The following ALG6 variants were observed in gnomAD, a reference collection of about 807,000 sequenced individuals.
ALG6 encodes ALG6 alpha-1,3-glucosyltransferase, also known as dolichyl pyrophosphate Man9GlcNAc2 alpha-1,3-glucosyltransferase.
Under a neutral mutation model 66.6 loss-of-function variants are expected in ALG6, and 46 were observed. That is an observed-to-expected ratio of 0.69 (90% CI 0.55 to 0.88). ALG6 has a LOEUF of 0.88. Among genes scored for constraint, ALG6 ranks in the 40% least tolerant of loss-of-function variants. ALG6 has a pLI of 0.00. For synonymous variants in ALG6, 185 were observed against 203.7 expected, an observed-to-expected ratio of 0.91 and a Z score of 0.78; for missense variants, 505 against 586.8, an observed-to-expected ratio of 0.86 and a Z score of 1.44.
At chr1:63,370,729 C>CTG (rs547966478) in intron 1 of ALG6, 42 bp from the exon 2 acceptor site, 1 of 499,282 alleles carries the variant, frequency 2.0e-6, no homozygotes, top group East Asian at 3.7e-5. Flanking sequence ...GTTGTAGGTA[C>CTG]TGTACTCAGC....
intron 12 of ALG6, among the ~76,000 whole-genome samples, chr1:63,421,375 G>T (rs142337647): frequency 4.3e-3 from 653 of 152,246 alleles, no homozygotes; most frequent in Non-Finnish European, 5.9e-3. Flanking sequence ...CTGTTGGTGG[G>T]AGTGTATATT....
chr1:63,416,078 C>A, intron 11 of ALG6, 121 bp downstream of exon 11: 1 of 760,184 alleles, frequency 1.3e-6, no homozygotes, highest in Non-Finnish European at 2.3e-6. Context: ...ATTTGGCAGA[C>A]ATTTATTGGA....
At chr1:63,374,479 T>A (rs762985403) in intron 2 of ALG6, among the ~76,000 whole-genome samples, 5 of 151,900 alleles carry the variant, frequency 3.3e-5, no homozygotes, top group Non-Finnish European at 7.4e-5. Context: ...AATACAAAAA[T>A]TAGCCGGGTG....
chr1:63,414,528 G>A (rs1021891100), intron 10 of ALG6, among the ~76,000 whole-genome samples: 1 of 152,134 alleles, frequency 6.6e-6, no homozygotes, highest in African/African-American at 2.4e-5. Context: ...GGGATTACAG[G>A]CATGAGCCAC....
In ALG6 at chr1:63,428,810, T is replaced by C. The variant is rs1303052047; in HGVS notation, c.1127+9T>C. On this transcript the variant is annotated intron_variant, in intron 13 of 14. Coordinates refer to ENST00000263440, the MANE Select transcript of ALG6 (RefSeq NM_013339.4). ...CTTGTGTCAACATTTAGGTAAGTCATATCAATTTCCATATATTTTCAGTAT... is the reference window on the plus strand; with the variant it reads ...CTTGTGTCAACATTTAGGTAAGTCACATCAATTTCCATATATTTTCAGTAT... 3 of 1,600,732 alleles carry C rather than the reference T, an allele frequency of 1.9e-6. No individual in the cohort carries two copies. The highest frequency in any genetic ancestry group is 2.6e-6 in the Non-Finnish European group (3 of 1,169,226).
At chr1:63,416,720 G>T (rs1269644968) in intron 11 of ALG6, among the ~76,000 whole-genome samples, 2 of 152,092 alleles carry the variant, frequency 1.3e-5, no homozygotes, top group African/African-American at 4.8e-5. Context: ...GATGGACTAG[G>T]TGCATTTTCT....
chr1:63,421,555 T>C (rs1412513922), intron 12 of ALG6, among the ~76,000 whole-genome samples: 4 of 152,178 alleles, frequency 2.6e-5, no homozygotes, highest in Admixed American at 6.5e-5. Flanking sequence ...ATCATTCTAC[T>C]ATAAAGACAC....
At chr1:63,411,374 A>G (rs1228150143) in intron 8 of ALG6, 43 bp downstream of exon 8, 1 of 1,578,984 alleles carries the variant, frequency 6.3e-7, no homozygotes, top group Admixed American at 1.7e-5. Flanking sequence ...TTTACTTCAG[A>G]TAATTTTTTT....
At chr1:63,377,201 A>G (rs979616050) in intron 2 of ALG6, among the ~76,000 whole-genome samples, 1 of 152,078 alleles carries the variant, frequency 6.6e-6, no homozygotes, top group African/African-American at 2.4e-5. Flanking sequence ...ATCTCAGGTG[A>G]TCCACCACCT....
At chr1:63,396,120 G>C (rs1482249868) in intron 2 of ALG6, among the ~76,000 whole-genome samples, 1 of 152,078 alleles carries the variant, frequency 6.6e-6, no homozygotes, top group Non-Finnish European at 1.5e-5. Flanking sequence ...GGTAGTGGGG[G>C]GTCCTAGAAT....
chr1:63,412,091 G>T (rs766109595), intron 9 of ALG6, 30 bp downstream of exon 9: 10 of 1,613,670 alleles, frequency 6.2e-6, no homozygotes, highest in Middle Eastern at 3.3e-4. Flanking sequence ...TCTCCTTTCT[G>T]TTACTGTACC....
rs1165046824 is a variant in ALG6, at chr1:63,385,184, C to CTTTTTTTTTTTTTTT, written c.83-11310_83-11296dup. On this transcript the variant is annotated intron_variant, in intron 2 of 14. Transcript: ENST00000263440. ...TTTTTATTAAGATCTTTTACTTCTT[C>CTTTTTTTTTTTTTTT]TTTTTTTTTTTTTTTTTTTTTTTTT... Among the ~76,000 whole-genome samples the CTTTTTTTTTTTTTTT allele has an allele frequency of 6.8e-5, 4 of 58,954 alleles. 2 individuals carry two copies. The Admixed American group carries it at 8.8e-4, about 13-fold the overall frequency. The allele number at this position is 58,954 out of a possible 152,430, so 38.7% of individuals were successfully genotyped here. A position where few individuals can be genotyped will look rare whatever the true frequency, so the allele number is the denominator to read the frequency against.
chr1:63,429,167 T>C, intron 14 of ALG6, 41 bp downstream of exon 14: 1 of 1,422,784 alleles, frequency 7.0e-7, no homozygotes, highest in Non-Finnish European at 9.7e-7. Context: ...TTTCAGCATG[T>C]CACTATTTTA....
At chr1:63,386,563 T>C (rs1397120946) in intron 2 of ALG6, among the ~76,000 whole-genome samples, 1 of 152,132 alleles carries the variant, frequency 6.6e-6, no homozygotes, top group African/African-American at 2.4e-5. Context: ...TGTCTAGGAA[T>C]TTATCAGTTT....
rs548558081 is a variant in ALG6 at position 63,418,215 on chromosome 1, C to A, written c.988-1155C>A. On this transcript the variant is annotated intron_variant, in intron 11 of 14. Transcript: ENST00000263440. Reference sequence around the variant, plus strand: ...GGACACTTAGATTGAGTAAAGGAAACCTTTCTAGAGAAGGTTTCTATAGTT... The same window carrying A: ...GGACACTTAGATTGAGTAAAGGAAAACTTTCTAGAGAAGGTTTCTATAGTT... 8.7e-5 allele frequency among the ~76,000 whole-genome samples: 13 copies of A among 150,070 alleles called. No homozygotes were observed. The East Asian group carries it at 2.0e-3, about 23-fold the overall frequency.
intron 14 of ALG6, among the ~76,000 whole-genome samples, chr1:63,432,150 T>C (rs1644649025): frequency 6.6e-6 from 1 of 152,194 alleles, no homozygotes; most frequent in African/African-American, 2.4e-5. Context: ...TTAAAATAGA[T>C]GTCTTTTATC....
rs1175532325 is a variant in ALG6 at position 63,422,414 on chromosome 1, AAT to A, written c.1058+2984_1058+2985del. Among the ~76,000 whole-genome samples the A allele has an allele frequency of 7.4e-4, 14 of 18,974 alleles. 2 individuals carry two copies. Among genetic ancestry groups the A allele is most frequent in the African/African-American group, 5.2e-3 (10 of 1,930 alleles). The allele number at this position is 18,974 out of a possible 152,430, so 12.4% of individuals were successfully genotyped here. On this transcript the variant is annotated intron_variant, in intron 12 of 14. Coordinates refer to ENST00000263440, the MANE Select transcript of ALG6 (RefSeq NM_013339.4). ...ATAAATATATATCTATATAAATATA[AAT>A]ATATATATAAATATAAATATATATA... is the stretch of plus-strand genomic sequence containing the variant.
Position 63,406,241 on chromosome 1 carries a change from G to T in ALG6, c.347-76G>T. 9.4e-6 allele frequency: 12 copies of T among 1,270,924 alleles called. 1 individual carries two copies. The South Asian group carries it at 1.4e-4, about 15-fold the overall frequency. The allele number at this position is 1,270,924 out of a possible 1,614,324, so 78.7% of individuals were successfully genotyped here. A position where few individuals can be genotyped will look rare whatever the true frequency, so the allele number is the denominator to read the frequency against. ...TTGTGTTAATGAATTCTCAATGTTG[G>T]AGGAAGGGAGGCAGTTAATGGGTAG... is the stretch of plus-strand genomic sequence containing the variant. On this transcript the variant is annotated intron_variant, in intron 5 of 14. Coordinates refer to ENST00000263440, the MANE Select transcript of ALG6 (RefSeq NM_013339.4).
intron 12 of ALG6, among the ~76,000 whole-genome samples, chr1:63,425,793 G>A (rs1027146610): frequency 3.3e-5 from 5 of 152,130 alleles, no homozygotes; most frequent in Non-Finnish European, 5.9e-5. Context: ...TGAATGTATG[G>A]GAGTGATTAT....
Sources: allele counts gnomAD v4.1 joint callset (sites outside exome capture counted in the v4.1 genomes callset), GRCh38; gene constraint gnomAD v4.1.1; transcripts MANE v1.5; gene names NCBI Gene and HGNC (gene_info 2026-07-23, HGNC 2026-07-21).